ZFHX4: variants seen among roughly 807,000 people sequenced by gnomAD.
ZFHX4 encodes the protein zinc finger homeobox 4.
Under a neutral mutation model 267.6 loss-of-function variants are expected in ZFHX4, and 56 were observed. The observed-to-expected ratio is 0.21, with a 90% CI of 0.17 to 0.26. The LOEUF (loss-of-function observed/expected upper bound fraction) is 0.26. ZFHX4 is among the 10% of genes least tolerant of loss of function. ZFHX4 has a pLI of 1.00. For missense variants in ZFHX4, 4,332 were observed against 4,420.0 expected (o/e 0.98, Z 0.56); for synonymous variants, 1,778 against 1,665.6 (o/e 1.07, Z -1.64).
intron 4 of ZFHX4, among the ~76,000 whole-genome samples, chr8:76,794,563 C>G (rs746420980): frequency 6.6e-6 from 1 of 152,056 alleles, no homozygotes; most frequent in Non-Finnish European, 1.5e-5. Flanking sequence ...CAGAACAATG[C>G]GCTGCCACTT....
At chr8:76,708,904 T>C (rs992575028) in intron 3 of ZFHX4, among the ~76,000 whole-genome samples, 7 of 152,222 alleles carry the variant, frequency 4.6e-5, no homozygotes, top group African/African-American at 1.7e-4. Flanking sequence ...GGTAACTTAT[T>C]AAAAACTTCT....
chr8:76,773,499 C>T lies in ZFHX4; in HGVS notation c.3094-4709C>T, dbSNP rs146440095. Among the ~76,000 whole-genome samples the T allele has an allele frequency of 2.6e-3, 388 of 152,134 alleles. 1 individual carries two copies. The highest frequency in any genetic ancestry group is 8.4e-3 in the African/African-American group (349 of 41,528). On this transcript the variant is annotated intron_variant, in intron 3 of 10. Transcript: ENST00000651372. The stretch of plus-strand genomic sequence containing the variant: ...TTTTTAAGTGCTTATTTTATTCTAG[C>T]GCTTTGACAGGTGGTTTGGAAGTGA...
chr8:76,851,850 C>T lies in ZFHX4; in HGVS notation c.4929C>T (p.Asn1643=). The change falls in exon 10 of 11, where the codon AAC becomes AAT. Residue 1643 remains asparagine, a synonymous_variant. Coordinates refer to ENST00000651372, the MANE Select transcript of ZFHX4 (RefSeq NM_024721.5). ...GGCACAGCATTGCAGCAAATGTCAA[C>T]AGCCCTGGCCAGGGGATGTTAGATT... ...AGGHSIAANV[N]SPGQGMLDSM... 1 of 1,613,934 alleles carries T rather than the reference C, an allele frequency of 6.2e-7. No individual in the cohort carries two copies.
At chr8:76,708,301 A>C in intron 3 of ZFHX4, 1 of 513,196 alleles carries the variant, frequency 1.9e-6, no homozygotes. Flanking sequence ...GGCTTCCCCA[A>C]AATAAAAGAA....
At chr8:76,795,332 G>A (rs1810948632) in intron 4 of ZFHX4, among the ~76,000 whole-genome samples, 2 of 152,010 alleles carry the variant, frequency 1.3e-5, no homozygotes, top group Non-Finnish European at 2.9e-5. Flanking sequence ...AGAGTGCAGT[G>A]GCATAAACAT....
chr8:76,850,458 T>A, intron 9 of ZFHX4, 96 bp downstream of exon 9: 1 of 1,036,658 alleles, frequency 9.6e-7, no homozygotes, highest in Non-Finnish European at 1.4e-6. Flanking sequence ...AAGATTTTCG[T>A]AAAGCATAGG....
Position 76,778,289 on chromosome 8 carries a change from A to G in ZFHX4, c.3175A>G (p.Lys1059Glu), listed in dbSNP as rs1810453536. The G allele has an allele frequency of 6.2e-7, 1 of 1,613,768 alleles. No homozygotes were observed. Among genetic ancestry groups the G allele is most frequent in the Admixed American group, 1.7e-5 (1 of 59,990 alleles). The change falls in exon 4 of 11, where the codon AAG becomes GAG. Residue 1059 changes from lysine to glutamate, a missense_variant. Transcript: ENST00000651372. ...CGTGTGTGATTACACCACCAAGGTC[A>G]AGTTGAATCTGGTACAACATGTCCG... The part of the protein sequence containing the change: ...CAVCDYTTKV[K>E]LNLVQHVRSV...
chr8:76,761,785 A>C (rs1378674732), intron 3 of ZFHX4, among the ~76,000 whole-genome samples: 1 of 152,202 alleles, frequency 6.6e-6, no homozygotes, highest in East Asian at 1.9e-4. Context: ...GTTTAGAAGC[A>C]AATGTCTCCA....
At chr8:76,709,146 A>G (rs1285145752) in intron 3 of ZFHX4, among the ~76,000 whole-genome samples, 1 of 152,104 alleles carries the variant, frequency 6.6e-6, no homozygotes. Context: ...GGCCGTTTAG[A>G]TTAGGTGAAG....
intron 3 of ZFHX4, among the ~76,000 whole-genome samples, chr8:76,740,976 A>T (rs954259739): frequency 1.3e-5 from 2 of 152,186 alleles, no homozygotes; most frequent in Non-Finnish European, 2.9e-5. Context: ...AGATATATTA[A>T]TTAAAGGAGG....
chr8:76,788,541 A>C (rs1171554703), intron 4 of ZFHX4, among the ~76,000 whole-genome samples: 1 of 152,186 alleles, frequency 6.6e-6, no homozygotes. Flanking sequence ...GTGCTGTTCA[A>C]CTTACAGTAG....
rs540766242 is a variant in ZFHX4 at position 76,780,797 on chromosome 8, T to C, written c.3325+2358T>C. On this transcript the variant is annotated intron_variant, in intron 4 of 10. Transcript: ENST00000651372. ...GTAATTTACTGGCAAAAATCAGCTG[T>C]GGCATTCTGAGGGAAGCATTGGATC... 2.6e-4 allele frequency among the ~76,000 whole-genome samples: 40 copies of C among 152,272 alleles called. No homozygotes were observed. In the South Asian group the frequency reaches 7.5e-3, roughly 28 times the overall value.
At chr8:76,741,895 C>T (rs1412562097) in intron 3 of ZFHX4, among the ~76,000 whole-genome samples, 1 of 152,170 alleles carries the variant, frequency 6.6e-6, no homozygotes, top group East Asian at 1.9e-4. Flanking sequence ...AAGACAGGAG[C>T]AGAAAAGTTT....
chr8:76,685,595 T>C (rs1158710645), intron 1 of ZFHX4, among the ~76,000 whole-genome samples: 2 of 152,352 alleles, frequency 1.3e-5, no homozygotes, highest in East Asian at 1.9e-4. Flanking sequence ...AAAAATATTA[T>C]GTTAATCACC....
intron 4 of ZFHX4, among the ~76,000 whole-genome samples, chr8:76,779,381 T>C (rs1810488244): frequency 6.6e-6 from 1 of 152,168 alleles, no homozygotes; most frequent in Admixed American, 6.5e-5. Flanking sequence ...AATTAGTGGT[T>C]GTGAACTTCA....
chr8:76,803,869 A>C (rs1811180851), intron 4 of ZFHX4, among the ~76,000 whole-genome samples: 1 of 152,158 alleles, frequency 6.6e-6, no homozygotes, highest in Non-Finnish European at 1.5e-5. Flanking sequence ...TGCCTGAAGA[A>C]ATAAATGATG....
intron 3 of ZFHX4, 186 bp downstream of exon 3, chr8:76,708,234 T>C: frequency 1.3e-6 from 1 of 765,244 alleles, no homozygotes; most frequent in Non-Finnish European, 2.0e-6. Context: ...GCTTTATTTA[T>C]AAAGTTTTAC....
intron 5 of ZFHX4, chr8:76,834,397 G>C (rs991232148): frequency 3.1e-5 from 7 of 227,920 alleles, no homozygotes; most frequent in African/African-American, 1.6e-4. Flanking sequence ...ACCAGCATTT[G>C]ATGTTGTCAG....
chr8:76,701,926 C>G (rs1002705402), intron 1 of ZFHX4, among the ~76,000 whole-genome samples: 2 of 152,228 alleles, frequency 1.3e-5, no homozygotes, highest in African/African-American at 4.8e-5. Context: ...TATTCACCAC[C>G]TTGCATTCAT....
Sources: allele counts gnomAD v4.1 joint callset (sites outside exome capture counted in the v4.1 genomes callset), GRCh38; gene constraint gnomAD v4.1.1; transcripts MANE v1.5; gene names NCBI Gene and HGNC (gene_info 2026-07-23, HGNC 2026-07-21).